Variants in ZNF804B observed in about 807,000 individuals in gnomAD.
ZNF804B encodes the protein zinc finger protein 804B, also known as zinc finger 804B.
In ZNF804B, 80 loss-of-function variants were observed where a neutral mutation model predicts 101.4. The ratio of observed to expected loss-of-function variants is 0.79; its 90% CI spans 0.66 to 0.95. The LOEUF (loss-of-function observed/expected upper bound fraction) is 0.95, where lower values mean the gene tolerates loss of function less well. ZNF804B is among the 40% of genes least tolerant of loss of function. The pLI is 0.00. For synonymous variants in ZNF804B, 622 were observed against 558.8 expected, an observed-to-expected ratio of 1.11 and a Z score of -1.59; for missense variants, 1,673 against 1,561.9, an observed-to-expected ratio of 1.07 and a Z score of -1.20.
In ZNF804B at chr7:88,841,877, A is replaced by G. The variant is rs779586656; in HGVS notation, c.108+81793A>G. Reference sequence around the variant, plus strand: ...GTAGAATTTTGCTGTTATTTTGGACATACTGTATTTCTCAGAAAGAGGTAA... The same window carrying G: ...GTAGAATTTTGCTGTTATTTTGGACGTACTGTATTTCTCAGAAAGAGGTAA... On this transcript the variant is annotated intron_variant, in intron 1 of 3. Transcript: ENST00000333190. 1.2e-4 allele frequency among the ~76,000 whole-genome samples: 18 copies of G among 152,294 alleles called. 1 individual carries two copies. Among genetic ancestry groups the G allele is most frequent in the East Asian group, 3.9e-4 (2 of 5,168 alleles).
At chr7:88,914,462 G>T (rs1792602213) in intron 1 of ZNF804B, among the ~76,000 whole-genome samples, 1 of 152,130 alleles carries the variant, frequency 6.6e-6, no homozygotes. Flanking sequence ...AGCAACACTT[G>T]AAGTGGAATA....
intron 1 of ZNF804B, among the ~76,000 whole-genome samples, chr7:88,845,764 T>G: frequency 6.6e-6 from 1 of 152,202 alleles, no homozygotes; most frequent in East Asian, 1.9e-4. Context: ...TCACAAGAAC[T>G]TTCCAGTTTG....
chr7:89,279,255 A>G lies in ZNF804B; in HGVS notation c.250-48089A>G, dbSNP rs1179110597. On this transcript the variant is annotated intron_variant, in intron 2 of 3. Coordinates refer to ENST00000333190, the MANE Select transcript of ZNF804B (RefSeq NM_181646.5). ...ATCAGCTTAAGGAGATTTTGGGCTG[A>G]GACAGTGGGGTTTTCTAGATATACA... Among the ~76,000 whole-genome samples, 3 of 152,136 alleles carry G rather than the reference A, an allele frequency of 2.0e-5. No homozygotes were observed. The East Asian group carries it at 5.8e-4, about 29-fold the overall frequency.
At chr7:89,171,875 C>A (rs1791242394) in intron 1 of ZNF804B, among the ~76,000 whole-genome samples, 1 of 152,140 alleles carries the variant, frequency 6.6e-6, no homozygotes, top group Admixed American at 6.5e-5. Flanking sequence ...AAAGACATTG[C>A]TGTCTCTAAT....
intron 1 of ZNF804B, among the ~76,000 whole-genome samples, chr7:89,121,162 C>T (rs971899136): frequency 3.9e-5 from 6 of 152,178 alleles, no homozygotes; most frequent in African/African-American, 9.7e-5. Context: ...CTTTATGACA[C>T]ATTGGTAGAG....
At chr7:89,248,655 C>T (rs1789487958) in intron 2 of ZNF804B, among the ~76,000 whole-genome samples, 1 of 151,888 alleles carries the variant, frequency 6.6e-6, no homozygotes, top group African/African-American at 2.4e-5. Flanking sequence ...AATAGAGAAA[C>T]AAAAGTACAA....
chr7:88,821,468 T>G (rs774944376), intron 1 of ZNF804B, among the ~76,000 whole-genome samples: 21 of 152,168 alleles, frequency 1.4e-4, no homozygotes, highest in Non-Finnish European at 2.5e-4. Flanking sequence ...TACTTTAAAT[T>G]TTAAAATGTA....
intron 1 of ZNF804B, among the ~76,000 whole-genome samples, chr7:88,847,768 C>T (rs1791397250): frequency 6.6e-6 from 1 of 152,084 alleles, no homozygotes; most frequent in African/African-American, 2.4e-5. Flanking sequence ...ATTCTAAGGA[C>T]CTGGCTATGC....
rs1175281754 is a variant in ZNF804B at position 89,259,198 on chromosome 7, CT to C, written c.249+40905del. ...CATCATCTAGCTGTGGTTCAGAAGCCTTAATTTCCCTCATCATCTTTTGTTA... is the reference window on the plus strand; with the variant it reads ...CATCATCTAGCTGTGGTTCAGAAGCCTAATTTCCCTCATCATCTTTTGTTA... On this transcript the variant is annotated intron_variant, in intron 2 of 3. Transcript: ENST00000333190. Among the ~76,000 whole-genome samples, 12 of 152,212 alleles carry C rather than the reference CT, an allele frequency of 7.9e-5. No homozygotes were observed. In the East Asian group the frequency reaches 2.3e-3, roughly 29 times the overall value.
At chr7:88,805,206 CATT>C (rs1009694451) in intron 1 of ZNF804B, among the ~76,000 whole-genome samples, 4 of 151,062 alleles carry the variant, frequency 2.6e-5, no homozygotes, top group African/African-American at 9.9e-5. Flanking sequence ...CCTACTAAAA[CATT>C]ATTGTATTCC....
chr7:89,142,132 A>G (rs1400454779), intron 1 of ZNF804B, among the ~76,000 whole-genome samples: 3 of 151,836 alleles, frequency 2.0e-5, no homozygotes, highest in East Asian at 3.9e-4. Context: ...TCAGGACTGT[A>G]AAGTGTATGC....
At chr7:89,105,066 T>C (rs574010499) in intron 1 of ZNF804B, among the ~76,000 whole-genome samples, 229 of 152,244 alleles carry the variant, frequency 1.5e-3, no homozygotes, top group Admixed American at 2.4e-3. Flanking sequence ...TACCTTCTGA[T>C]TTCAATGGTT....
chr7:89,335,779 C>T lies in ZNF804B; in HGVS notation c.2797C>T (p.Gln933Ter). 2.5e-6 allele frequency: 4 copies of T among 1,614,002 alleles called. No homozygotes were observed. The South Asian group carries it at 4.4e-5, about 18-fold the overall frequency. ...LTAKILLERV[Q>*]AKKCQEQSSN... Reference sequence around the variant, plus strand: ...AGCAAAAATCCTTTTAGAAAGAGTACAAGCCAAGAAATGTCAAGAACAATC... The same window carrying T: ...AGCAAAAATCCTTTTAGAAAGAGTATAAGCCAAGAAATGTCAAGAACAATC... The change falls in exon 4 of 4, where the codon CAA becomes TAA. Residue 933 changes from glutamine (Q) to a stop codon, truncating the protein, a stop_gained. Transcript: ENST00000333190. LOFTEE classifies it high-confidence loss of function.
chr7:88,819,320 G>T (rs928510831), intron 1 of ZNF804B, among the ~76,000 whole-genome samples: 1 of 151,802 alleles, frequency 6.6e-6, no homozygotes, highest in Admixed American at 6.6e-5. Flanking sequence ...TAGTAGAGAC[G>T]AGGTTTCACC....
At position 88,946,519 on chromosome 7, in the gene ZNF804B, G is replaced by A. The variant is rs536676879; in HGVS notation, c.108+186435G>A. ...CCAGTATTTTATTGAGGTTTATTGC[G>A]TCGATGTTCATCAGGGATATTGGGC... On this transcript the variant is annotated intron_variant, in intron 1 of 3. Coordinates refer to ENST00000333190, the MANE Select transcript of ZNF804B (RefSeq NM_181646.5). 3.1e-4 allele frequency among the ~76,000 whole-genome samples: 47 copies of A among 149,280 alleles called. 1 individual carries two copies. Among genetic ancestry groups the A allele is most frequent in the African/African-American group, 9.3e-4 (38 of 40,684 alleles).
In ZNF804B at chr7:89,067,194, T is replaced by C. The variant is rs1469999993; in HGVS notation, c.109-150961T>C. Among the ~76,000 whole-genome samples, 32 of 152,090 alleles carry C rather than the reference T, an allele frequency of 2.1e-4. 1 individual carries two copies. Among genetic ancestry groups the C allele is most frequent in the Admixed American group, 2.0e-3 (31 of 15,250 alleles). ...TATAAGGAATTGGCTTGTGTAATTG[T>C]CTGTAGCTGCTGACTAAGCAAGTCT... On this transcript the variant is annotated intron_variant, in intron 1 of 3. Coordinates refer to ENST00000333190, the MANE Select transcript of ZNF804B (RefSeq NM_181646.5).
chr7:88,801,407 CT>C (rs1184189563), intron 1 of ZNF804B, among the ~76,000 whole-genome samples: 1 of 151,952 alleles, frequency 6.6e-6, no homozygotes, highest in Non-Finnish European at 1.5e-5. Context: ...TGAGAATTTC[CT>C]GAGTGCCTGT....
At chr7:89,245,283 A>G (rs746840450) in intron 2 of ZNF804B, among the ~76,000 whole-genome samples, 1 of 152,210 alleles carries the variant, frequency 6.6e-6, no homozygotes, top group Non-Finnish European at 1.5e-5. Flanking sequence ...ATATAAATTA[A>G]AATGAGAAAG....
At chr7:88,969,934 A>C (rs552290272) in intron 1 of ZNF804B, among the ~76,000 whole-genome samples, 5 of 151,598 alleles carry the variant, frequency 3.3e-5, no homozygotes, top group South Asian at 2.1e-4. Flanking sequence ...GAGAATCTTG[A>C]CTGGCAAATA....
Sources: allele counts gnomAD v4.1 joint callset (sites outside exome capture counted in the v4.1 genomes callset), GRCh38; gene constraint gnomAD v4.1.1; transcripts MANE v1.5; gene names NCBI Gene and HGNC (gene_info 2026-07-23, HGNC 2026-07-21).